Variants in CADM2 observed in about 807,000 individuals in gnomAD.
CADM2 encodes cell adhesion molecule 2.
CADM2 carries 12 observed loss-of-function variants against 49.8 expected under a neutral mutation model. The observed-to-expected ratio is 0.24, with a 90% CI of 0.15 to 0.39. The LOEUF is 0.39. Among genes scored for constraint, CADM2 ranks in the 10% least tolerant of loss-of-function variants. The pLI, the probability that CADM2 is intolerant of heterozygous loss-of-function variation, is 1.00. For missense variants in CADM2, 378 were observed against 492.3 expected (o/e 0.77, Z 2.20); for synonymous variants, 214 against 175.4 (o/e 1.22, Z -1.74).
chr3:85,831,161 G>C (rs910499619), intron 3 of CADM2, among the ~76,000 whole-genome samples: 3 of 151,862 alleles, frequency 2.0e-5, no homozygotes, highest in Non-Finnish European at 4.4e-5. Context: ...TGCTGCAAAG[G>C]ACACAGGTTG....
At chr3:85,002,811 G>T (rs2033530702) in intron 1 of CADM2, among the ~76,000 whole-genome samples, 1 of 151,812 alleles carries the variant, frequency 6.6e-6, no homozygotes, top group Non-Finnish European at 1.5e-5. Flanking sequence ...TTAGAGACAG[G>T]GTCTTGCTCT....
At chr3:85,438,543 C>T (rs2037039862) in intron 1 of CADM2, among the ~76,000 whole-genome samples, 1 of 152,038 alleles carries the variant, frequency 6.6e-6, no homozygotes, top group Non-Finnish European at 1.5e-5. Flanking sequence ...GTGTTTGGTA[C>T]CATATTTGTG....
At chr3:85,698,233 C>T (rs2066630892) in intron 1 of CADM2, among the ~76,000 whole-genome samples, 1 of 152,118 alleles carries the variant, frequency 6.6e-6, no homozygotes, top group African/African-American at 2.4e-5. Context: ...AGGGGCTGGT[C>T]CAAGGAAGTT....
At chr3:85,083,326 C>T (rs1480327258) in intron 1 of CADM2, among the ~76,000 whole-genome samples, 1 of 152,148 alleles carries the variant, frequency 6.6e-6, no homozygotes, top group African/African-American at 2.4e-5. Flanking sequence ...ACTTTTCTCT[C>T]TGCCTTCAGG....
intron 3 of CADM2, among the ~76,000 whole-genome samples, chr3:85,806,829 T>A (rs2072463029): frequency 6.6e-6 from 1 of 152,066 alleles, no homozygotes. Context: ...AGTGGGGGAA[T>A]TGGCTAAGGT....
intron 1 of CADM2, among the ~76,000 whole-genome samples, chr3:85,430,908 G>A (rs1230957734): frequency 6.6e-6 from 1 of 152,072 alleles, no homozygotes; most frequent in African/African-American, 2.4e-5. Context: ...ACTAAGACTA[G>A]GTGATGCTTC....
At chr3:85,702,204 GT>G (rs1227184664) in intron 1 of CADM2, among the ~76,000 whole-genome samples, 2 of 151,994 alleles carry the variant, frequency 1.3e-5, no homozygotes, top group Non-Finnish European at 2.9e-5. Context: ...TCTTGTATTT[GT>G]TTTTTCTTTC....
At chr3:85,392,684 GT>G (rs1329142071) in intron 1 of CADM2, among the ~76,000 whole-genome samples, 2 of 151,994 alleles carry the variant, frequency 1.3e-5, no homozygotes, top group African/African-American at 4.8e-5. Context: ...AAAAAGTAAA[GT>G]TCTTTTTCTG....
At chr3:85,399,649 C>T (rs544160941) in intron 1 of CADM2, among the ~76,000 whole-genome samples, 6 of 152,244 alleles carry the variant, frequency 3.9e-5, no homozygotes, top group South Asian at 2.1e-4. Context: ...TCTTTTATTT[C>T]GTTGAGCAGT....
intron 1 of CADM2, among the ~76,000 whole-genome samples, chr3:85,037,786 A>T (rs1157665179): frequency 2.0e-5 from 3 of 152,196 alleles, no homozygotes; most frequent in African/African-American, 7.2e-5. Flanking sequence ...CTCTGCATAT[A>T]AGAATGTCAT....
At chr3:85,361,406 G>T (rs959791728) in intron 1 of CADM2, among the ~76,000 whole-genome samples, 2 of 152,022 alleles carry the variant, frequency 1.3e-5, no homozygotes, top group African/African-American at 4.8e-5. Flanking sequence ...AAAACTCAGG[G>T]GCTGCCTTAG....
chr3:86,058,091 C>T (rs558625614), intron 8 of CADM2, among the ~76,000 whole-genome samples: 1 of 152,190 alleles, frequency 6.6e-6, no homozygotes, highest in South Asian at 2.1e-4. Context: ...AGATTAAATA[C>T]TCAACAAATT....
intron 1 of CADM2, among the ~76,000 whole-genome samples, chr3:85,713,890 A>G (rs2067198788): frequency 6.6e-6 from 1 of 152,172 alleles, no homozygotes. Flanking sequence ...GTTTTAGGCA[A>G]TTATGACCCT....
At chr3:85,512,558 T>C (rs1376278207) in intron 1 of CADM2, among the ~76,000 whole-genome samples, 5 of 152,086 alleles carry the variant, frequency 3.3e-5, no homozygotes, top group African/African-American at 1.2e-4. Context: ...CTGCTAATAT[T>C]ATTAAAGGAT....
chr3:85,301,553 C>T (rs2044101251), intron 1 of CADM2, among the ~76,000 whole-genome samples: 1 of 151,990 alleles, frequency 6.6e-6, no homozygotes, highest in Non-Finnish European at 1.5e-5. Flanking sequence ...ATAGTGTCAG[C>T]AATAGAAAAT....
chr3:84,988,576 T>A (rs1321021289), intron 1 of CADM2, among the ~76,000 whole-genome samples: 2 of 152,238 alleles, frequency 1.3e-5, no homozygotes, highest in African/African-American at 2.4e-5. Flanking sequence ...AATATCATTA[T>A]ACAGCTTGTC....
At chr3:85,752,729 G>A (rs1559633087) in intron 2 of CADM2, among the ~76,000 whole-genome samples, 6 of 151,706 alleles carry the variant, frequency 4.0e-5, no homozygotes. Context: ...CCCACTCGTG[G>A]AAAGAAAAAA....
chr3:85,542,050 C>G (rs1576760677), intron 1 of CADM2, among the ~76,000 whole-genome samples: 1 of 151,832 alleles, frequency 6.6e-6, no homozygotes, highest in African/African-American at 2.4e-5. Flanking sequence ...CCTGCCCTTT[C>G]CCATGGGTTG....
intron 6 of CADM2, among the ~76,000 whole-genome samples, chr3:85,931,530 A>C (rs1720588771): frequency 6.6e-6 from 1 of 152,218 alleles, no homozygotes; most frequent in Non-Finnish European, 1.5e-5. Flanking sequence ...TATGCAAGAC[A>C]TGGAGGATAT....
Sources: gnomAD v4.1 joint callset for allele counts (sites outside exome capture counted in the v4.1 genomes callset) on GRCh38, gnomAD v4.1.1 for gene constraint, MANE v1.5 for transcripts, NCBI Gene and HGNC (gene_info 2026-07-23, HGNC 2026-07-21) for gene names.